INPP5E: variants seen among roughly 807,000 people sequenced by gnomAD.
INPP5E encodes inositol polyphosphate-5-phosphatase E, also known as phosphatidylinositol polyphosphate 5-phosphatase type IV.
INPP5E carries 34 observed loss-of-function variants against 50.5 expected under a neutral mutation model. The ratio of observed to expected loss-of-function variants is 0.67; its 90% CI spans 0.51 to 0.90. The LOEUF is 0.90. Ranked by LOEUF, INPP5E falls within the 40% of genes least tolerant of loss-of-function variation. The pLI is 0.00. For synonymous variants in INPP5E, 447 were observed against 406.0 expected, an observed-to-expected ratio of 1.10 and a Z score of -1.21; for missense variants, 942 against 905.5, an observed-to-expected ratio of 1.04 and a Z score of -0.52.
chr9:136,433,933 G>A (rs913406502), intron 3 of INPP5E, 104 bp downstream of exon 3: 12 of 898,794 alleles, frequency 1.3e-5, no homozygotes, highest in Non-Finnish European at 2.1e-5. Flanking sequence ...CCCCCGGGCA[G>A]GCACTGCAGA....
chr9:136,439,808 C>CG lies in INPP5E; in HGVS notation c.-390dup, dbSNP rs1835968740. 1 of 157,702 alleles carries CG rather than the reference C, an allele frequency of 6.3e-6. No individual in the cohort carries two copies. The highest frequency in any genetic ancestry group is 6.5e-5 in the Admixed American group (1 of 15,352). 9.8% of individuals were successfully genotyped at this position (157,702 alleles called of 1,614,324 possible). A position where few individuals can be genotyped will look rare whatever the true frequency, so the allele number is the denominator to read the frequency against. ...TCGCGGAGGCCCGGCCGCCCAGAAG[C>CG]GGAGTCAGCCCGGCCGGGACCCAGC... On this transcript the variant is annotated 5_prime_UTR_variant, in exon 1 of 10. Transcript: ENST00000371712.
Position 136,438,738 on chromosome 9 carries a change from C to A in INPP5E, c.682G>T (p.Val228Leu). 2 of 1,611,112 alleles carry A rather than the reference C, an allele frequency of 1.2e-6. No homozygotes were observed. Among genetic ancestry groups the A allele is most frequent in the Non-Finnish European group, 1.7e-6 (2 of 1,179,286 alleles). The change falls in exon 1 of 10, where the codon GTG becomes TTG. Residue 228 changes from valine to leucine, a missense_variant. Coordinates refer to ENST00000371712, the MANE Select transcript of INPP5E (RefSeq NM_019892.6). The stretch of plus-strand genomic sequence containing the variant: ...GGGCCCAGGCTGCTGTGGGCCCGCA[C>A]CAGGAGCGGCTGCGCGCGGAGCTTG... ...DYKLRAQPLL[V>L]RAHSSLGPGR... is the part of the protein sequence containing the mutation.
intron 2 of INPP5E, among the ~76,000 whole-genome samples, chr9:136,434,453 C>T (rs945307651): frequency 3.3e-5 from 5 of 152,162 alleles, no homozygotes. Flanking sequence ...CCCCGCTGGC[C>T]GCCCTCCCGC....
chr9:136,431,870 C>A lies in INPP5E; in HGVS notation c.1503G>T (p.Val501=), dbSNP rs1006092034. ...ALLCQGLVVD[V]PALLQHDQLI... ...GCTGGTCGTGCTGCAGCAGCGCCGG[C>A]ACGTCCACCACCAGGCCCTGGCACA... Residue 501 remains valine, a synonymous_variant, in exon 7 of 10, where the codon GTG becomes GTT. Transcript: ENST00000371712. 1.2e-6 allele frequency: 2 copies of A among 1,609,648 alleles called. No homozygotes were observed. The highest frequency in any genetic ancestry group is 2.2e-5 in the East Asian group (1 of 44,750).
chr9:136,430,979 C>T, intron 8 of INPP5E, 23 bp downstream of exon 8: 1 of 1,515,214 alleles, frequency 6.6e-7, no homozygotes, highest in Non-Finnish European at 9.2e-7. Flanking sequence ...GCACTCTGCA[C>T]CGCAGCGGTG....
At chr9:136,432,666 G>C in intron 5 of INPP5E, 80 bp from the exon 6 acceptor site, 1 of 1,033,270 alleles carries the variant, frequency 9.7e-7, no homozygotes, top group Non-Finnish European at 1.5e-6. Flanking sequence ...TCTGGACTGT[G>C]CCCTGACTGC....
chr9:136,439,542 G>A lies in INPP5E; in HGVS notation c.-123C>T. Reference sequence around the variant, plus strand: ...AAACGCCGCTGCGGCTCCCGCTTGGGCCGGGGATGGTCGCGGAGGGGCGGG... The same window carrying A: ...AAACGCCGCTGCGGCTCCCGCTTGGACCGGGGATGGTCGCGGAGGGGCGGG... On this transcript the variant is annotated 5_prime_UTR_variant, in exon 1 of 10. Coordinates refer to ENST00000371712, the MANE Select transcript of INPP5E (RefSeq NM_019892.6). The A allele has an allele frequency of 7.3e-6, 5 of 682,312 alleles. No homozygotes were observed. Among genetic ancestry groups the A allele is most frequent in the Non-Finnish European group, 1.0e-5 (5 of 477,242 alleles). 42.3% of individuals were successfully genotyped at this position (682,312 alleles called of 1,614,324 possible). A position where few individuals can be genotyped will look rare whatever the true frequency, so the allele number is the denominator to read the frequency against.
Position 136,439,655 on chromosome 9 carries a change from C to T in INPP5E, c.-236G>A. 2 of 347,116 alleles carry T rather than the reference C, an allele frequency of 5.8e-6. No homozygotes were observed. The highest frequency in any genetic ancestry group is 1.0e-5 in the Non-Finnish European group (2 of 193,754). 21.5% of individuals were successfully genotyped at this position (347,116 alleles called of 1,614,324 possible). ...TCCCAGGGCGGTCCGCAGGCAAGGC[C>T]TGGGGGAACAGGCGGCTGGGCGCCT... On this transcript the variant is annotated 5_prime_UTR_variant, in exon 1 of 10. Transcript: ENST00000371712.
Position 136,431,090 on chromosome 9 carries a change from G to A in INPP5E, c.1577C>T (p.Pro526Leu), listed in dbSNP as rs746867724. ...GTATGATGGGAGGAAGTGGATGTCC[G>A]GCTCCTGGAAGCCCTTGAAGATGGA... ...KGSIFKGFQE[P>L]DIHFLPSYKF... is the part of the protein sequence containing the mutation. The change falls in exon 8 of 10, where the codon CCG becomes CTG. Residue 526 changes from proline (P) to leucine (L), a missense_variant. Pro to Leu is a moderately conservative substitution (Grantham distance 98, BLOSUM62 -3). Transcript: ENST00000371712. 53 of 1,612,986 alleles carry A rather than the reference G, an allele frequency of 3.3e-5. No homozygotes were observed. Among genetic ancestry groups the A allele is most frequent in the South Asian group, 5.5e-5 (5 of 91,072 alleles).
At position 136,439,345 on chromosome 9, in the gene INPP5E, T is replaced by C. The variant is rs1428893553; in HGVS notation, c.75A>G (p.Gly25=). 2.1e-6 allele frequency: 3 copies of C among 1,438,548 alleles called. No individual in the cohort carries two copies. The highest frequency in any genetic ancestry group is 9.1e-7 in the Non-Finnish European group (1 of 1,104,622). 89.1% of individuals were successfully genotyped at this position (1,438,548 alleles called of 1,614,324 possible). A position where few individuals can be genotyped will look rare whatever the true frequency, so the allele number is the denominator to read the frequency against. The change falls in exon 1 of 10, where the codon GGA becomes GGG. Residue 25 remains glycine, a synonymous_variant. Coordinates refer to ENST00000371712, the MANE Select transcript of INPP5E (RefSeq NM_019892.6). ...PQPPEGRTLQ[G]QLPGAPPAQR... The stretch of plus-strand genomic sequence containing the variant: ...GGGCCGGCGGAGCGCCGGGAAGCTG[T>C]CCTTGGAGCGTCCTCCCTTCCGGCG...
At chr9:136,432,732 C>T in intron 5 of INPP5E, 146 bp from the exon 6 acceptor site, 1 of 907,282 alleles carries the variant, frequency 1.1e-6, no homozygotes, top group South Asian at 1.4e-5. Flanking sequence ...CAGCCAGTGA[C>T]ATTTCCGCCT....
intron 2 of INPP5E, 111 bp from the exon 3 acceptor site, chr9:136,434,245 A>C: frequency 2.6e-6 from 2 of 775,498 alleles, no homozygotes; most frequent in Non-Finnish European, 4.3e-6. Context: ...AATGAGGGGA[A>C]ACTGAGGCCA....
chr9:136,433,341 C>T (rs956032038), intron 3 of INPP5E, 62 bp from the exon 4 acceptor site: 271 of 1,526,342 alleles, frequency 1.8e-4, no homozygotes, highest in Middle Eastern at 4.0e-4. Context: ...CACCCCCAGA[C>T]CTGCTGCCCA....
At position 136,429,549 on chromosome 9, in the gene INPP5E, G is replaced by T; in HGVS notation, c.*126C>A. The T allele has an allele frequency of 1.6e-6, 2 of 1,287,266 alleles. No individual in the cohort carries two copies. Among genetic ancestry groups the T allele is most frequent in the Non-Finnish European group, 2.2e-6 (2 of 897,082 alleles). 79.7% of individuals were successfully genotyped at this position (1,287,266 alleles called of 1,614,324 possible). On this transcript the variant is annotated 3_prime_UTR_variant, in exon 10 of 10. Transcript: ENST00000371712. ...GGTTGGCTTCCTTCCTGGGACGCTG[G>T]CACAGAGGCACGGTCGCCACAGTCC...
In INPP5E at chr9:136,439,076, G is replaced by T. The variant is rs773436168; in HGVS notation, c.344C>A (p.Ser115Ter). The T allele has an allele frequency of 6.4e-7, 1 of 1,570,558 alleles. No homozygotes were observed. The highest frequency in any genetic ancestry group is 1.2e-5 in the South Asian group (1 of 85,952). The stretch of plus-strand genomic sequence containing the variant: ...GGCCCCGGGGCCCTCGCTCTGCACT[G>T]AGCCCCTGGAGGGACTGGTCCCATT... ...ARNGTSPSRG[S>*]VQSEGPGAPA... The change falls in exon 1 of 10, where the codon TCA (serine) becomes TAA (stop). Residue 115 changes from serine (S) to a stop codon, truncating the protein, a stop_gained. Transcript: ENST00000371712. LOFTEE classifies it high-confidence loss of function.
chr9:136,432,601 A>T lies in INPP5E; in HGVS notation c.1280-15T>A. On this transcript the variant is annotated splice_polypyrimidine_tract_variant and intron_variant, in intron 5 of 9. Coordinates refer to ENST00000371712, the MANE Select transcript of INPP5E (RefSeq NM_019892.6). ...CCCGTCACCTGCTGTGGGAACAGAA[A>T]TGGGGTAGGGACCACAGGGTTCCGG... 1 of 1,488,482 alleles carries T rather than the reference A, an allele frequency of 6.7e-7. No homozygotes were observed. Among genetic ancestry groups the T allele is most frequent in the Non-Finnish European group, 9.2e-7 (1 of 1,092,178 alleles). 92.2% of individuals were successfully genotyped at this position (1,488,482 alleles called of 1,614,324 possible).
rs754906374 is a variant in INPP5E at position 136,429,846 on chromosome 9, C to T, written c.1803-39G>A. 20 of 1,595,252 alleles carry T rather than the reference C, an allele frequency of 1.3e-5. No individual in the cohort carries two copies. The Admixed American group carries it at 2.4e-4, about 19-fold the overall frequency. On this transcript the variant is annotated intron_variant, in intron 9 of 9. Coordinates refer to ENST00000371712, the MANE Select transcript of INPP5E (RefSeq NM_019892.6). ...GGGGGCGTTAGGAGGGCACCCAGGG[C>T]CAGGAGGAGGGGGCGTTAGGAGGGG...
intron 1 of INPP5E, 145 bp from the exon 2 acceptor site, chr9:136,435,008 GC>G: frequency 4.0e-6 from 4 of 1,006,568 alleles, no homozygotes; most frequent in Non-Finnish European, 5.9e-6. Flanking sequence ...GGCCCCCGCG[GC>G]ACTGCTGTCT....
intron 1 of INPP5E, among the ~76,000 whole-genome samples, chr9:136,435,317 C>A (rs1214376440): frequency 6.6e-6 from 1 of 152,134 alleles, no homozygotes; most frequent in African/African-American, 2.4e-5. Flanking sequence ...CTCCTCGACA[C>A]CCCGTGGCTT....
Sources: gnomAD v4.1 joint callset for allele counts (sites outside exome capture counted in the v4.1 genomes callset) on GRCh38, gnomAD v4.1.1 for gene constraint, MANE v1.5 for transcripts, NCBI Gene and HGNC (gene_info 2026-07-23, HGNC 2026-07-21) for gene names.